FAM210A: variants seen among roughly 807,000 people sequenced by gnomAD.
FAM210A encodes the protein mitochondrial inner membrane scaffold 1.
FAM210A carries 13 observed loss-of-function variants against 25.3 expected under a neutral mutation model. The ratio of observed to expected loss-of-function variants is 0.51; its 90% CI spans 0.33 to 0.82. The LOEUF (loss-of-function observed/expected upper bound fraction) is 0.82. Ranked by LOEUF, FAM210A falls within the 40% of genes least tolerant of loss-of-function variation. FAM210A has a pLI of 0.02. For missense variants in FAM210A, 319 were observed against 323.2 expected (o/e 0.99, Z 0.10); for synonymous variants, 125 against 118.7 (o/e 1.05, Z -0.35).
At chr18:13,684,950 C>G (rs960541875) in intron 1 of FAM210A, among the ~76,000 whole-genome samples, 1 of 151,854 alleles carries the variant, frequency 6.6e-6, no homozygotes, top group Non-Finnish European at 1.5e-5. Context: ...AAACAACATA[C>G]TTCTAAAAAA....
chr18:13,720,990 G>A (rs2043893837), intron 1 of FAM210A, among the ~76,000 whole-genome samples: 2 of 152,124 alleles, frequency 1.3e-5, no homozygotes, highest in South Asian at 4.1e-4. Context: ...CACCAGTTGT[G>A]TTGGATTAGG....
chr18:13,724,383 T>C (rs1167030114), intron 1 of FAM210A, among the ~76,000 whole-genome samples: 1 of 152,174 alleles, frequency 6.6e-6, no homozygotes, highest in African/African-American at 2.4e-5. Flanking sequence ...CTTGGCCAAG[T>C]TACTTAACCC....
intron 3 of FAM210A, among the ~76,000 whole-genome samples, chr18:13,668,948 C>T (rs1003391199): frequency 4.6e-5 from 7 of 152,170 alleles, no homozygotes; most frequent in Non-Finnish European, 7.3e-5. Flanking sequence ...TTCGGATCTT[C>T]GACTGTCCTA....
chr18:13,693,218 T>C (rs148945045), intron 1 of FAM210A, among the ~76,000 whole-genome samples: 2,711 of 152,296 alleles, frequency 0.018, 32 homozygotes, highest in Middle Eastern at 0.061. Flanking sequence ...AATCCCTGAA[T>C]AGACCAATAA....
At chr18:13,676,966 A>C (rs1261024297) in intron 2 of FAM210A, among the ~76,000 whole-genome samples, 1 of 152,192 alleles carries the variant, frequency 6.6e-6, no homozygotes. Flanking sequence ...AAAACCCCGC[A>C]GACACTGAGT....
In FAM210A at chr18:13,664,012, T is replaced by C. The variant is rs771405036; in HGVS notation, c.*2468A>G. On this transcript the variant is annotated 3_prime_UTR_variant, in exon 4 of 4. Coordinates refer to ENST00000651643, the MANE Select transcript of FAM210A (RefSeq NM_152352.4). Reference sequence around the variant, plus strand: ...ATTATTTAACTTGGCATATTGGTACTGTATTCTGTTAGCCTGCTATTAATA... The same window carrying C: ...ATTATTTAACTTGGCATATTGGTACCGTATTCTGTTAGCCTGCTATTAATA... 4 of 152,206 alleles carry C rather than the reference T, an allele frequency of 2.6e-5. No homozygotes were observed. The highest frequency in any genetic ancestry group is 5.9e-5 in the Non-Finnish European group (4 of 68,048). 9.4% of individuals were successfully genotyped at this position (152,206 alleles called of 1,614,324 possible). A position where few individuals can be genotyped will look rare whatever the true frequency, so the allele number is the denominator to read the frequency against.
intron 1 of FAM210A, among the ~76,000 whole-genome samples, chr18:13,694,978 G>A (rs2043679761): frequency 6.6e-6 from 1 of 152,062 alleles, no homozygotes; most frequent in South Asian, 2.1e-4. Context: ...TCTGACAAAG[G>A]GCTAATATCC....
chr18:13,666,543 A>T lies in FAM210A; in HGVS notation c.756T>A (p.Asp252Glu), dbSNP rs779628499. 6.2e-7 allele frequency: 1 copy of T among 1,613,970 alleles called. No homozygotes were observed. Among genetic ancestry groups the T allele is most frequent in the Non-Finnish European group, 8.5e-7 (1 of 1,180,016 alleles). Residue 252 changes from aspartate to glutamate, a missense_variant, in exon 4 of 4, where the codon GAT becomes GAA. By Grantham distance (45) the Asp-to-Glu change is conservative. Transcript: ENST00000651643. ...TTTCTTGTAACTTTTCAGTGAGTCT[A>T]TCTTTTGTTTCTTCCATTTTCTCTG... Reference protein sequence around the residue: ...LITEKMEETKDRLTEKLQETK... With the variant: ...LITEKMEETKERLTEKLQETK...
chr18:13,696,241 A>G (rs1270466580), intron 1 of FAM210A, among the ~76,000 whole-genome samples: 1 of 152,240 alleles, frequency 6.6e-6, no homozygotes, highest in Non-Finnish European at 1.5e-5. Flanking sequence ...TGAAGTTTAT[A>G]TGGAAAGCCA....
rs574400473 is a variant in FAM210A at position 13,668,463 on chromosome 18, A to G, written c.586-1750T>C. ...CACTCTCTGGTCTTTAGTGCCAACT[A>G]TACATGGATGATTCTTAACTTTAAT... On this transcript the variant is annotated intron_variant, in intron 3 of 3. Transcript: ENST00000651643. 2.6e-5 allele frequency among the ~76,000 whole-genome samples: 4 copies of G among 152,314 alleles called. No individual in the cohort carries two copies. In the South Asian group the frequency reaches 8.3e-4, roughly 32 times the overall value.
chr18:13,700,411 A>G (rs2043729719), intron 1 of FAM210A, among the ~76,000 whole-genome samples: 1 of 152,214 alleles, frequency 6.6e-6, no homozygotes. Context: ...TCCTATAGAC[A>G]GAATCTCTGA....
chr18:13,671,155 G>A (rs1312716253), intron 3 of FAM210A, among the ~76,000 whole-genome samples: 1 of 148,796 alleles, frequency 6.7e-6, no homozygotes, highest in African/African-American at 2.4e-5. Flanking sequence ...ATTAAAAACA[G>A]TAAAATAGGG....
At chr18:13,694,423 A>G (rs2043675456) in intron 1 of FAM210A, among the ~76,000 whole-genome samples, 1 of 152,262 alleles carries the variant, frequency 6.6e-6, no homozygotes, top group Non-Finnish European at 1.5e-5. Flanking sequence ...ATCCTAAGCC[A>G]AAAGAACAAA....
At chr18:13,693,769 C>T (rs2043669468) in intron 1 of FAM210A, among the ~76,000 whole-genome samples, 1 of 30,602 alleles carries the variant, frequency 3.3e-5, no homozygotes, top group South Asian at 6.3e-4. Flanking sequence ...CTATTTATGA[C>T]AATATCTACT....
intron 1 of FAM210A, among the ~76,000 whole-genome samples, chr18:13,686,399 C>T (rs1274848548): frequency 6.6e-6 from 1 of 152,170 alleles, no homozygotes; most frequent in Non-Finnish European, 1.5e-5. Context: ...TATAGCTTAA[C>T]GTATAGCCAA....
At chr18:13,719,886 T>G (rs967549605) in intron 1 of FAM210A, among the ~76,000 whole-genome samples, 1 of 152,254 alleles carries the variant, frequency 6.6e-6, no homozygotes, top group African/African-American at 2.4e-5. Context: ...TGCTAAGCAC[T>G]GTATCATCTC....
chr18:13,704,230 T>TA (rs2043761473), intron 1 of FAM210A, among the ~76,000 whole-genome samples: 1 of 152,210 alleles, frequency 6.6e-6, no homozygotes, highest in Non-Finnish European at 1.5e-5. Context: ...CATGGGAGTG[T>TA]AAGTTTTTGC....
intron 1 of FAM210A, among the ~76,000 whole-genome samples, chr18:13,719,879 T>C (rs1336070113): frequency 1.3e-5 from 2 of 152,236 alleles, no homozygotes; most frequent in Non-Finnish European, 2.9e-5. Context: ...GGTTCTGTGC[T>C]AAGCACTGTA....
intron 2 of FAM210A, among the ~76,000 whole-genome samples, chr18:13,674,128 G>A (rs1448815881): frequency 7.0e-6 from 1 of 143,600 alleles, no homozygotes; most frequent in Non-Finnish European, 1.6e-5. Context: ...TAACATTCCT[G>A]AGCCCAGGCT....
Sources: allele counts gnomAD v4.1 joint callset (sites outside exome capture counted in the v4.1 genomes callset), GRCh38; gene constraint gnomAD v4.1.1; transcripts MANE v1.5; gene names NCBI Gene and HGNC (gene_info 2026-07-23, HGNC 2026-07-21).